The following ADAMTS17 variants were observed in gnomAD, a reference collection of about 807,000 sequenced individuals.
ADAMTS17 encodes the protein A disintegrin and metalloproteinase with thrombospondin motifs 17.
Under a neutral mutation model 141.5 loss-of-function variants are expected in ADAMTS17, and 113 were observed. The ratio of observed to expected loss-of-function variants is 0.80; its 90% confidence interval spans 0.69 to 0.93. The LOEUF (loss-of-function observed/expected upper bound fraction) is 0.93. Ranked by LOEUF, ADAMTS17 falls within the 40% of genes least tolerant of loss-of-function variation. The probability of loss-of-function intolerance (pLI) is 0.00; values close to 1 mark genes in which losing one functional copy is unlikely to be tolerated. For missense variants in ADAMTS17, 1,659 were observed against 1,517.9 expected (o/e 1.09, Z -1.54); for synonymous variants, 768 against 630.6 (o/e 1.22, Z -3.27).
chr15:100,311,722 G>C (rs547533435), intron 3 of ADAMTS17, among the ~76,000 whole-genome samples: 1 of 151,922 alleles, frequency 6.6e-6, no homozygotes, highest in African/African-American at 2.4e-5. Context: ...TCAATGTTTA[G>C]ATTTTAGCTT....
At chr15:100,156,027 A>AT (rs541596061) in intron 8 of ADAMTS17, among the ~76,000 whole-genome samples, 1 of 152,220 alleles carries the variant, frequency 6.6e-6, no homozygotes, top group South Asian at 2.1e-4. Flanking sequence ...CCCAACGTGT[A>AT]TAAGGATGAC....
intron 20 of ADAMTS17, among the ~76,000 whole-genome samples, chr15:99,984,276 C>T (rs1250228368): frequency 6.6e-6 from 1 of 152,196 alleles, no homozygotes; most frequent in Non-Finnish European, 1.5e-5. Flanking sequence ...CTGCGGGCAG[C>T]TCTCATCCTC....
intron 18 of ADAMTS17, among the ~76,000 whole-genome samples, chr15:100,024,208 T>A (rs915716840): frequency 6.6e-6 from 1 of 152,198 alleles, no homozygotes; most frequent in Non-Finnish European, 1.5e-5. Context: ...TTCTCCTGCG[T>A]CGGCCTCCCG....
chr15:100,175,679 A>T (rs2141494043), intron 8 of ADAMTS17, among the ~76,000 whole-genome samples: 1 of 151,466 alleles, frequency 6.6e-6, no homozygotes, highest in South Asian at 2.1e-4. Flanking sequence ...GTCCTAGGAG[A>T]CCACCAGCTC....
intron 7 of ADAMTS17, among the ~76,000 whole-genome samples, chr15:100,241,180 A>ATCTTGTCACT (rs1384181068): frequency 1.3e-5 from 2 of 152,040 alleles, no homozygotes; most frequent in African/African-American, 2.4e-5. Flanking sequence ...TGGCCAATGA[A>ATCTTGTCACT]TCTAATATGG....
Position 100,155,290 on chromosome 15 carries a change from T to A in ADAMTS17, c.1212A>T (p.Ser404=), listed in dbSNP as rs770072474. 1 of 1,614,120 alleles carries A rather than the reference T, an allele frequency of 6.2e-7. No homozygotes were observed. Among genetic ancestry groups the A allele is most frequent in the Non-Finnish European group, 8.5e-7 (1 of 1,180,000 alleles). Residue 404 remains serine, a synonymous_variant, in exon 9 of 22, where the codon TCA becomes TCT. Transcript: ENST00000268070. ...NLGMNHDDDH[S]SCAGRSHIMS... ...TGATGTGGGACCTGCCAGCGCAAGATGAGTGGTCATCGTCGTGGTTCATGC... is the reference window on the plus strand; with the variant it reads ...TGATGTGGGACCTGCCAGCGCAAGAAGAGTGGTCATCGTCGTGGTTCATGC...
At chr15:100,103,474 G>A (rs2036241009) in intron 14 of ADAMTS17, among the ~76,000 whole-genome samples, 1 of 152,186 alleles carries the variant, frequency 6.6e-6, no homozygotes, top group Admixed American at 6.5e-5. Context: ...GAAATAGGAG[G>A]CCAATAAATT....
intron 18 of ADAMTS17, among the ~76,000 whole-genome samples, chr15:100,029,085 T>C (rs905569191): frequency 1.1e-4 from 16 of 152,314 alleles, no homozygotes; most frequent in African/African-American, 3.6e-4. Flanking sequence ...CACTTGGGTC[T>C]TTCCATCTGG....
intron 8 of ADAMTS17, among the ~76,000 whole-genome samples, chr15:100,158,960 C>G (rs941080146): frequency 1.3e-5 from 2 of 152,016 alleles, no homozygotes; most frequent in African/African-American, 2.4e-5. Flanking sequence ...TATGAAAATA[C>G]AAAACATGAC....
chr15:100,110,486 G>A (rs183195563), intron 13 of ADAMTS17, among the ~76,000 whole-genome samples: 346 of 151,814 alleles, frequency 2.3e-3, no homozygotes, highest in Admixed American at 6.4e-3. Flanking sequence ...GGGTGGTCTC[G>A]ATCTCCTGAC....
intron 6 of ADAMTS17, among the ~76,000 whole-genome samples, chr15:100,260,365 G>T (rs1373579076): frequency 6.6e-6 from 1 of 152,166 alleles, no homozygotes; most frequent in East Asian, 1.9e-4. Flanking sequence ...TGTAATCCTA[G>T]CATTTTGGGA....
At chr15:100,143,425 T>A (rs2038752458) in intron 10 of ADAMTS17, among the ~76,000 whole-genome samples, 1 of 152,260 alleles carries the variant, frequency 6.6e-6, no homozygotes, top group Non-Finnish European at 1.5e-5. Context: ...CTGATTGGGC[T>A]AATTGCATAA....
intron 7 of ADAMTS17, among the ~76,000 whole-genome samples, chr15:100,209,418 G>A (rs1284762442): frequency 6.6e-6 from 1 of 152,072 alleles, no homozygotes; most frequent in Admixed American, 6.5e-5. Flanking sequence ...AGGGCATCAC[G>A]GCCCCTCCAC....
At chr15:100,111,183 G>A (rs973913093) in intron 13 of ADAMTS17, among the ~76,000 whole-genome samples, 1 of 152,154 alleles carries the variant, frequency 6.6e-6, no homozygotes, top group Admixed American at 6.5e-5. Context: ...AGGCACTCTG[G>A]GGGGCACTTC....
intron 18 of ADAMTS17, among the ~76,000 whole-genome samples, chr15:100,035,681 G>A (rs2030637056): frequency 6.6e-6 from 1 of 152,110 alleles, no homozygotes; most frequent in Non-Finnish European, 1.5e-5. Context: ...GGTCTGCGTG[G>A]TTCCAGAGGG....
Position 100,221,158 on chromosome 15 carries a change from A to G in ADAMTS17, c.1076-21735T>C, listed in dbSNP as rs1219795372. ...ACGCTTATGTGTTTTTTTTTTAAAC[A>G]GTGACACCTACAAGATGCTCACAAA... On this transcript the variant is annotated intron_variant, in intron 7 of 21. Transcript: ENST00000268070. Among the ~76,000 whole-genome samples the G allele has an allele frequency of 2.0e-5, 3 of 152,144 alleles. No individual in the cohort carries two copies. The East Asian group carries it at 5.8e-4, about 29-fold the overall frequency.
chr15:100,135,605 C>T (rs556824961), intron 10 of ADAMTS17, among the ~76,000 whole-genome samples: 64 of 152,128 alleles, frequency 4.2e-4, no homozygotes, highest in African/African-American at 1.5e-3. Flanking sequence ...TTCTGTTTAC[C>T]AAAAGGCAAC....
chr15:100,010,810 G>A (rs2061151395), intron 18 of ADAMTS17, among the ~76,000 whole-genome samples: 1 of 152,228 alleles, frequency 6.6e-6, no homozygotes, highest in Non-Finnish European at 1.5e-5. Flanking sequence ...GTTCTCCCAG[G>A]GGACCCAGAG....
intron 8 of ADAMTS17, among the ~76,000 whole-genome samples, chr15:100,170,107 G>A (rs996937956): frequency 6.6e-6 from 1 of 152,118 alleles, no homozygotes; most frequent in Non-Finnish European, 1.5e-5. Flanking sequence ...GATGTTACGT[G>A]GGCACCAAGT....
Sources: gnomAD v4.1 joint callset for allele counts (sites outside exome capture counted in the v4.1 genomes callset) on GRCh38, gnomAD v4.1.1 for gene constraint, MANE v1.5 for transcripts, NCBI Gene and HGNC (gene_info 2026-07-23, HGNC 2026-07-21) for gene names.